Variants in CPED1 observed in about 807,000 individuals in gnomAD.
The protein encoded by CPED1 is cadherin-like and PC-esterase domain-containing protein 1.
Under a neutral mutation model 128.2 loss-of-function variants are expected in CPED1, and 114 were observed. The ratio of observed to expected loss-of-function variants is 0.89; its 90% CI spans 0.76 to 1.04. The LOEUF (loss-of-function observed/expected upper bound fraction) is 1.04, where lower values mean the gene tolerates loss of function less well. Ranked by LOEUF, CPED1 falls within the 50% of genes least tolerant of loss-of-function variation. CPED1 has a pLI of 0.00. For synonymous variants in CPED1, 462 were observed against 426.7 expected (o/e 1.08, Z -1.02); for missense variants, 1,211 against 1,207.1 (o/e 1.00, Z -0.05).
intron 8 of CPED1, among the ~76,000 whole-genome samples, chr7:121,125,443 A>G (rs902087502): frequency 2.0e-5 from 3 of 152,084 alleles, no homozygotes; most frequent in African/African-American, 7.2e-5. Context: ...TATTTGTCCT[A>G]ATGCTTTCCC....
chr7:121,215,790 T>C (rs1241061445), intron 16 of CPED1, among the ~76,000 whole-genome samples: 2 of 152,090 alleles, frequency 1.3e-5, no homozygotes, highest in Non-Finnish European at 2.9e-5. Flanking sequence ...TTTAAAATTA[T>C]CTTAATTTAC....
chr7:121,004,028 A>T (rs1357847144), intron 2 of CPED1, among the ~76,000 whole-genome samples: 1 of 152,184 alleles, frequency 6.6e-6, no homozygotes, highest in East Asian at 1.9e-4. Flanking sequence ...GGATAAGGCA[A>T]CGTTTCTCTG....
chr7:121,253,408 C>T (rs1024428384), intron 18 of CPED1, among the ~76,000 whole-genome samples: 6 of 151,788 alleles, frequency 4.0e-5, no homozygotes, highest in African/African-American at 1.2e-4. Context: ...CACATGTATA[C>T]ATATGTAACA....
At chr7:121,227,611 A>G (rs755370095) in intron 16 of CPED1, among the ~76,000 whole-genome samples, 1 of 152,098 alleles carries the variant, frequency 6.6e-6, no homozygotes, top group Non-Finnish European at 1.5e-5. Flanking sequence ...AAAGTCAGCT[A>G]TATATTAAGA....
chr7:121,173,514 T>C (rs147711255), intron 16 of CPED1, among the ~76,000 whole-genome samples: 44 of 152,266 alleles, frequency 2.9e-4, no homozygotes, highest in African/African-American at 1.0e-3. Flanking sequence ...TATTTGGTTT[T>C]TTGTTCCTGC....
intron 16 of CPED1, among the ~76,000 whole-genome samples, chr7:121,197,360 C>G (rs1797294544): frequency 6.6e-6 from 1 of 152,062 alleles, no homozygotes; most frequent in East Asian, 1.9e-4. Flanking sequence ...CCACTAATAC[C>G]TTTACTATGA....
intron 3 of CPED1, among the ~76,000 whole-genome samples, chr7:121,024,937 T>G (rs1792537958): frequency 6.6e-6 from 1 of 152,190 alleles, no homozygotes. Context: ...GCTACGCCAA[T>G]GCATTATCCA....
Position 121,015,789 on chromosome 7 carries a change from C to A in CPED1, c.374C>A (p.Thr125Lys). 1 of 1,601,724 alleles carries A rather than the reference C, an allele frequency of 6.2e-7. No individual in the cohort carries two copies. Among genetic ancestry groups the A allele is most frequent in the East Asian group, 2.3e-5 (1 of 44,360 alleles). ...HQHILTQHGYTVVIAEERLNA... is the reference protein window; with the variant it reads ...HQHILTQHGYKVVIAEERLNA... ...CACATTCTGACTCAACATGGCTATA[C>A]GGTTGTCATCGCTGAAGAAAGGCTC... Residue 125 changes from threonine (T) to lysine (K), a missense_variant, in exon 3 of 23, where the codon ACG (threonine) becomes AAG (lysine). By Grantham distance (78) the Thr-to-Lys change is moderately conservative. Coordinates refer to ENST00000310396, the MANE Select transcript of CPED1 (RefSeq NM_024913.5).
At chr7:121,153,624 C>T (rs1004893999) in intron 16 of CPED1, among the ~76,000 whole-genome samples, 1 of 152,164 alleles carries the variant, frequency 6.6e-6, no homozygotes, top group Non-Finnish European at 1.5e-5. Context: ...GGTCACATAG[C>T]TTGTAAGTAG....
chr7:121,074,418 T>G (rs1794069612), intron 5 of CPED1, among the ~76,000 whole-genome samples: 1 of 151,488 alleles, frequency 6.6e-6, no homozygotes, highest in African/African-American at 2.4e-5. Flanking sequence ...TAAACCCAAC[T>G]GCGCTTTCAC....
rs1792133418 is a variant in CPED1, at chr7:121,266,716, C to T, written c.2541C>T (p.Pro847=). The change falls in exon 20 of 23, where the codon CCC becomes CCT. Residue 847 remains proline (P), a synonymous_variant. Coordinates refer to ENST00000310396, the MANE Select transcript of CPED1 (RefSeq NM_024913.5). ...TCTTTCTGAATTTCAGATCACGTCC[C>T]CTAGAGAATACTGGCCAGACTGTAT... ...ALEHLLQRSR[P]LENTGQTVLV... is the part of the protein sequence containing the mutation. 6.2e-7 allele frequency: 1 copy of T among 1,612,318 alleles called. No individual in the cohort carries two copies. The highest frequency in any genetic ancestry group is 8.5e-7 in the Non-Finnish European group (1 of 1,178,758).
intron 22 of CPED1, among the ~76,000 whole-genome samples, chr7:121,290,516 G>C (rs1044669144): frequency 6.6e-6 from 1 of 152,266 alleles, no homozygotes; most frequent in East Asian, 1.9e-4. Flanking sequence ...GCATGAGATG[G>C]TATCTCATTG....
chr7:121,207,004 A>G (rs189944893), intron 16 of CPED1, among the ~76,000 whole-genome samples: 1 of 152,180 alleles, frequency 6.6e-6, no homozygotes, highest in Non-Finnish European at 1.5e-5. Flanking sequence ...CAATGCTGTA[A>G]TAGTGGCCTG....
intron 16 of CPED1, among the ~76,000 whole-genome samples, chr7:121,151,500 A>G (rs1796157534): frequency 2.0e-5 from 3 of 152,234 alleles, no homozygotes; most frequent in Admixed American, 6.5e-5. Context: ...ATTTAACAAT[A>G]TAACATTTTG....
At chr7:121,032,530 G>T (rs1206071014) in intron 3 of CPED1, among the ~76,000 whole-genome samples, 2 of 121,818 alleles carry the variant, frequency 1.6e-5, no homozygotes, top group Non-Finnish European at 3.4e-5. Context: ...CGCGGGGGGG[G>T]CCTGTCAGGG....
rs373309413 is a variant in CPED1, at chr7:121,247,225, A to G, written c.2310+2887A>G. 3.9e-5 allele frequency among the ~76,000 whole-genome samples: 6 copies of G among 152,326 alleles called. No individual in the cohort carries two copies. The South Asian group carries it at 8.3e-4, about 21-fold the overall frequency. On this transcript the variant is annotated intron_variant, in intron 18 of 22. Transcript: ENST00000310396. ...AATAATCCCGTTGATGTAAAATCCA[A>G]CGCATACCTACAAACATGTTTACAT...
intron 2 of CPED1, among the ~76,000 whole-genome samples, chr7:121,014,673 G>C (rs1792256111): frequency 6.6e-6 from 1 of 151,442 alleles, no homozygotes; most frequent in Non-Finnish European, 1.5e-5. Flanking sequence ...ACATTAAAAA[G>C]AGTGTATTTT....
Position 121,200,264 on chromosome 7 carries a change from G to C in CPED1, c.2056-36450G>C, listed in dbSNP as rs1394282487. Among the ~76,000 whole-genome samples, 3 of 152,176 alleles carry C rather than the reference G, an allele frequency of 2.0e-5. No individual in the cohort carries two copies. In the South Asian group the frequency reaches 6.2e-4, roughly 32 times the overall value. ...GTATTATGTAAAAAGTGGTGTGCAA[G>C]GATATAAAAACAGAAAATTCTGGGT... On this transcript the variant is annotated intron_variant, in intron 16 of 22. Transcript: ENST00000310396.
At chr7:121,008,520 T>G (rs986299790) in intron 2 of CPED1, among the ~76,000 whole-genome samples, 1 of 152,148 alleles carries the variant, frequency 6.6e-6, no homozygotes, top group Admixed American at 6.5e-5. Context: ...CTGATTTAAT[T>G]TAATTACTTA....
Sources: allele counts gnomAD v4.1 joint callset (sites outside exome capture counted in the v4.1 genomes callset), GRCh38; gene constraint gnomAD v4.1.1; transcripts MANE v1.5; gene names NCBI Gene and HGNC (gene_info 2026-07-23, HGNC 2026-07-21).